METTL15: variants seen among roughly 807,000 people sequenced by gnomAD.
METTL15 encodes the protein 12S rRNA N(4)-cytidine methyltransferase METTL15.
METTL15 carries 34 observed loss-of-function variants against 38.3 expected under a neutral mutation model. The ratio of observed to expected loss-of-function variants is 0.89; its 90% CI spans 0.68 to 1.18. The LOEUF (loss-of-function observed/expected upper bound fraction) is 1.18. Among genes scored for constraint, METTL15 ranks in the 50% most tolerant of loss-of-function variants. The probability of loss-of-function intolerance (pLI) is 0.00; values close to 1 mark genes in which losing one functional copy is unlikely to be tolerated. For missense variants in METTL15, 438 were observed against 498.4 expected (o/e 0.88, Z 1.15); for synonymous variants, 162 against 170.9 (o/e 0.95, Z 0.41).
At chr11:28,111,706 T>A (rs1450326520) in intron 2 of METTL15, among the ~76,000 whole-genome samples, 1 of 152,192 alleles carries the variant, frequency 6.6e-6, no homozygotes, top group African/African-American at 2.4e-5. Context: ...TCCCTGTCTA[T>A]AAAATGGGAA....
intron 4 of METTL15, 35 bp from the exon 5 acceptor site, chr11:28,290,171 G>A (rs774574680): frequency 3.9e-5 from 60 of 1,547,426 alleles, no homozygotes; most frequent in Non-Finnish European, 5.1e-5. Flanking sequence ...CAATCTAACA[G>A]AAGTGTTTTC....
At chr11:28,165,394 A>G (rs1483329503) in intron 3 of METTL15, among the ~76,000 whole-genome samples, 1 of 152,136 alleles carries the variant, frequency 6.6e-6, no homozygotes, top group African/African-American at 2.4e-5. Context: ...ATAAGGTGAT[A>G]TCTCACTGTA....
intron 5 of METTL15, among the ~76,000 whole-genome samples, chr11:28,390,571 C>G (rs1373689749): frequency 6.6e-6 from 1 of 152,150 alleles, no homozygotes; most frequent in Non-Finnish European, 1.5e-5. Flanking sequence ...GGGCTCTGTT[C>G]TGTTCCATTG....
At chr11:28,148,097 T>C (rs948096882) in intron 3 of METTL15, among the ~76,000 whole-genome samples, 1 of 151,960 alleles carries the variant, frequency 6.6e-6, no homozygotes, top group Non-Finnish European at 1.5e-5. Context: ...CAATTTCTTA[T>C]TCTTTTGTTT....
At position 28,201,298 on chromosome 11, in the gene METTL15, T is replaced by C. The variant is rs113457506; in HGVS notation, c.271-9764T>C. 1.3e-3 allele frequency among the ~76,000 whole-genome samples: 195 copies of C among 152,258 alleles called. 3 individuals carry two copies. Among genetic ancestry groups the C allele is most frequent in the African/African-American group, 4.5e-3 (187 of 41,532 alleles). ...TGCTGCTGGATTTGGTTTGCCAGTA[T>C]TTTATTGAGGATTTTAGCATCGATG... On this transcript the variant is annotated intron_variant, in intron 3 of 6. Coordinates refer to ENST00000407364, the MANE Select transcript of METTL15 (RefSeq NM_001113528.2).
chr11:28,134,317 A>G (rs557917619), intron 3 of METTL15, among the ~76,000 whole-genome samples: 1 of 152,144 alleles, frequency 6.6e-6, no homozygotes, highest in Non-Finnish European at 1.5e-5. Flanking sequence ...CTTTTTACAT[A>G]TATACCAATG....
chr11:28,423,275 G>A (rs1183048662), intron 5 of METTL15, among the ~76,000 whole-genome samples: 1 of 151,988 alleles, frequency 6.6e-6, no homozygotes, highest in Non-Finnish European at 1.5e-5. Flanking sequence ...CCACTATGGA[G>A]AACATTTTGG....
chr11:28,332,942 A>C lies in METTL15; in HGVS notation c.*2101A>C, dbSNP rs1280993845. 9.0e-6 allele frequency: 1 copy of C among 111,018 alleles called. No individual in the cohort carries two copies. Among genetic ancestry groups the C allele is most frequent in the Non-Finnish European group, 1.8e-5 (1 of 56,402 alleles). The allele number at this position is 111,018 out of a possible 1,614,324, so 6.9% of individuals were successfully genotyped here. On this transcript the variant is annotated 3_prime_UTR_variant, in exon 7 of 7. Transcript: ENST00000407364. The stretch of plus-strand genomic sequence containing the variant: ...ACAGAACGAGACTCTGTCTCAAAAA[A>C]AAAAAAAAAAAGGAAGAAAGAGAAG...
intron 6 of METTL15, among the ~76,000 whole-genome samples, chr11:28,485,532 A>G (rs990590778): frequency 6.6e-6 from 1 of 152,198 alleles, no homozygotes; most frequent in African/African-American, 2.4e-5. Context: ...GAGAGAGAAG[A>G]GGCAGGGACA....
chr11:28,252,459 C>G (rs576098961), intron 4 of METTL15, among the ~76,000 whole-genome samples: 1 of 152,230 alleles, frequency 6.6e-6, no homozygotes, highest in East Asian at 1.9e-4. Flanking sequence ...AAAAGAGATA[C>G]AATGAAACAT....
intron 3 of METTL15, among the ~76,000 whole-genome samples, chr11:28,120,669 C>T (rs1852190769): frequency 1.3e-5 from 2 of 152,266 alleles, no homozygotes; most frequent in South Asian, 2.1e-4. Flanking sequence ...GTATCAATCA[C>T]GATGCAGTTT....
intron 6 of METTL15, among the ~76,000 whole-genome samples, chr11:28,524,985 A>C (rs1390722010): frequency 6.6e-6 from 1 of 151,776 alleles, no homozygotes; most frequent in African/African-American, 2.4e-5. Flanking sequence ...TCAGGAGTGA[A>C]GCTGCAGACC....
At chr11:28,450,402 TA>T (rs1378345506) in intron 6 of METTL15, among the ~76,000 whole-genome samples, 2 of 152,216 alleles carry the variant, frequency 1.3e-5, no homozygotes, top group Non-Finnish European at 2.9e-5. Context: ...AAATACAAAA[TA>T]AATTTTCTTT....
intron 4 of METTL15, among the ~76,000 whole-genome samples, chr11:28,276,093 C>T (rs1214337186): frequency 6.6e-6 from 1 of 151,964 alleles, no homozygotes; most frequent in Non-Finnish European, 1.5e-5. Context: ...GAAGTCTTAC[C>T]CAGAGTAAGC....
intron 6 of METTL15, among the ~76,000 whole-genome samples, chr11:28,298,530 A>G (rs1317511000): frequency 2.0e-5 from 3 of 152,046 alleles, no homozygotes; most frequent in African/African-American, 7.2e-5. Context: ...CCTTTAAGCT[A>G]CCTTTTCTGT....
At chr11:28,474,130 A>G (rs1851325655) in intron 6 of METTL15, among the ~76,000 whole-genome samples, 2 of 151,974 alleles carry the variant, frequency 1.3e-5, no homozygotes, top group Admixed American at 6.6e-5. Flanking sequence ...TTATAGATGT[A>G]TAAGTATATA....
At chr11:28,195,795 C>T (rs751016427) in intron 3 of METTL15, among the ~76,000 whole-genome samples, 1 of 152,002 alleles carries the variant, frequency 6.6e-6, no homozygotes, top group Non-Finnish European at 1.5e-5. Context: ...AGGCTGATGT[C>T]CAGAGGAATT....
At chr11:28,483,942 A>G (rs1015686261) in intron 6 of METTL15, among the ~76,000 whole-genome samples, 7 of 152,206 alleles carry the variant, frequency 4.6e-5, no homozygotes, top group Non-Finnish European at 7.3e-5. Context: ...TCCAAATGGC[A>G]TATTGATATA....
intron 3 of METTL15, among the ~76,000 whole-genome samples, chr11:28,346,741 C>T (rs1849999239): frequency 1.3e-5 from 2 of 152,148 alleles, no homozygotes; most frequent in African/African-American, 4.8e-5. Flanking sequence ...AATTTATTTT[C>T]CTATTTTTAT....
Sources: allele counts gnomAD v4.1 joint callset (sites outside exome capture counted in the v4.1 genomes callset), GRCh38; gene constraint gnomAD v4.1.1; transcripts MANE v1.5; gene names NCBI Gene and HGNC (gene_info 2026-07-23, HGNC 2026-07-21).